The following CCDC6 variants were observed in gnomAD, a reference collection of about 807,000 sequenced individuals.
CCDC6 encodes the protein coiled-coil domain containing 6.
In CCDC6, 20 loss-of-function variants were observed where a neutral mutation model predicts 56.6. The observed-to-expected ratio is 0.35, with a 90% CI of 0.25 to 0.51. CCDC6 has a LOEUF of 0.51. Among genes scored for constraint, CCDC6 ranks in the 20% least tolerant of loss-of-function variants. The probability of loss-of-function intolerance (pLI) is 0.95; values close to 1 mark genes in which losing one functional copy is unlikely to be tolerated. For synonymous variants in CCDC6, 241 were observed against 234.4 expected (o/e 1.03, Z -0.26); for missense variants, 367 against 601.1 (o/e 0.61, Z 4.07).
chr10:59,871,151 TGAG>T (rs1032662258), intron 1 of CCDC6, among the ~76,000 whole-genome samples: 1 of 152,158 alleles, frequency 6.6e-6, no homozygotes, highest in East Asian at 1.9e-4. Flanking sequence ...GTATTATACA[TGAG>T]GAGAGTTTAT....
At chr10:59,796,854 C>T (rs769386982) in intron 7 of CCDC6, among the ~76,000 whole-genome samples, 1 of 151,762 alleles carries the variant, frequency 6.6e-6, no homozygotes, top group Non-Finnish European at 1.5e-5. Context: ...GCCTGTAGTC[C>T]TAGCTATTCG....
chr10:59,882,071 G>A lies in CCDC6; in HGVS notation c.303+24051C>T, dbSNP rs1423517037. Among the ~76,000 whole-genome samples the A allele has an allele frequency of 2.9e-3, 93 of 32,118 alleles. 9 individuals are homozygous for A. Among genetic ancestry groups the A allele is most frequent in the African/African-American group, 8.1e-3 (29 of 3,602 alleles). 21.1% of individuals were successfully genotyped at this position (32,118 alleles called of 152,430 possible). On this transcript the variant is annotated intron_variant, in intron 1 of 8. Transcript: ENST00000263102. The stretch of plus-strand genomic sequence containing the variant: ...CCAGGGGGAGAAGGAAAGGAAAGCC[G>A]CGGGGAGAAGGAAAGGAAAGCCGGG...
At chr10:59,855,100 G>A (rs891842995) in intron 1 of CCDC6, among the ~76,000 whole-genome samples, 3 of 152,172 alleles carry the variant, frequency 2.0e-5, no homozygotes, top group Non-Finnish European at 4.4e-5. Context: ...TTACACAGGG[G>A]CCTAGAAGTG....
chr10:59,877,060 G>C (rs2071290078), intron 1 of CCDC6, among the ~76,000 whole-genome samples: 1 of 152,166 alleles, frequency 6.6e-6, no homozygotes, highest in African/African-American at 2.4e-5. Context: ...TCTAAACATA[G>C]AAAAGGTACA....
intron 1 of CCDC6, among the ~76,000 whole-genome samples, chr10:59,860,560 A>G (rs1235703593): frequency 6.6e-6 from 1 of 152,152 alleles, no homozygotes; most frequent in African/African-American, 2.4e-5. Context: ...ATAAAGCAAG[A>G]ACACCGAGGA....
In CCDC6 at chr10:59,793,006, G is replaced by A. The variant is rs928783025; in HGVS notation, c.1336C>T (p.Pro446Ser). The change falls in exon 9 of 9, where the codon CCG (proline) becomes TCG (serine). Residue 446 changes from proline (P) to serine (S), a missense_variant. Physicochemically the swap from Pro to Ser is moderately conservative, Grantham distance 74. Transcript: ENST00000263102. ...TPVQPPPPPP[P>S]PPMQPTVPSA... is the part of the protein sequence containing the mutation. ...GGGACCGTGGGCTGCATGGGTGGCG[G>A]AGGTGGAGGCGGAGGTGGCTGGACT... 12 of 1,613,246 alleles carry A rather than the reference G, an allele frequency of 7.4e-6. No individual in the cohort carries two copies. The highest frequency in any genetic ancestry group is 9.3e-6 in the Non-Finnish European group (11 of 1,179,362).
At chr10:59,883,101 A>G (rs1487887867) in intron 1 of CCDC6, among the ~76,000 whole-genome samples, 1 of 152,204 alleles carries the variant, frequency 6.6e-6, no homozygotes, top group African/African-American at 2.4e-5. Flanking sequence ...AGTGAGTCCC[A>G]GGGACTTGGA....
chr10:59,881,128 C>T, intron 1 of CCDC6, among the ~76,000 whole-genome samples: 1 of 152,162 alleles, frequency 6.6e-6, no homozygotes, highest in African/African-American at 2.4e-5. Context: ...TCCACATCTT[C>T]CACCATAATA....
chr10:59,861,643 A>C (rs918630269), intron 1 of CCDC6, among the ~76,000 whole-genome samples: 6 of 152,212 alleles, frequency 3.9e-5, no homozygotes, highest in African/African-American at 1.4e-4. Context: ...AGAAGAGTTA[A>C]ATGGAAATGA....
At chr10:59,798,342 CAG>C (rs1226542211) in intron 7 of CCDC6, among the ~76,000 whole-genome samples, 1 of 152,232 alleles carries the variant, frequency 6.6e-6, no homozygotes, top group East Asian at 1.9e-4. Context: ...GTTTCCATGA[CAG>C]AGATATTCAG....
At chr10:59,826,614 G>A (rs903661189) in intron 3 of CCDC6, among the ~76,000 whole-genome samples, 4 of 152,192 alleles carry the variant, frequency 2.6e-5, no homozygotes, top group Admixed American at 2.0e-4. Context: ...ACACACAGCA[G>A]ACATGCAATA....
At chr10:59,871,059 G>A (rs1312439327) in intron 1 of CCDC6, among the ~76,000 whole-genome samples, 1 of 152,090 alleles carries the variant, frequency 6.6e-6, no homozygotes, top group Non-Finnish European at 1.5e-5. Context: ...AATTGGAGAG[G>A]CAAAATGCTA....
At chr10:59,871,309 C>T (rs1324471748) in intron 1 of CCDC6, among the ~76,000 whole-genome samples, 3 of 151,728 alleles carry the variant, frequency 2.0e-5, no homozygotes, top group South Asian at 2.1e-4. Flanking sequence ...CTAAGAACAC[C>T]GCCTTGTATA....
chr10:59,870,276 G>A (rs971001619), intron 1 of CCDC6, among the ~76,000 whole-genome samples: 15 of 152,096 alleles, frequency 9.9e-5, no homozygotes, highest in Admixed American at 3.3e-4. Context: ...CTCCCCACCC[G>A]CCTCTGCTGG....
intron 1 of CCDC6, among the ~76,000 whole-genome samples, chr10:59,877,663 G>A (rs1283391452): frequency 6.6e-6 from 1 of 152,184 alleles, no homozygotes; most frequent in African/African-American, 2.4e-5. Flanking sequence ...CTTCTGTTTA[G>A]TAGGCATACA....
chr10:59,850,580 T>C (rs1329598981), intron 2 of CCDC6, among the ~76,000 whole-genome samples: 1 of 152,212 alleles, frequency 6.6e-6, no homozygotes, highest in Non-Finnish European at 1.5e-5. Flanking sequence ...AGGCTAGGGC[T>C]ACACATTGTA....
intron 1 of CCDC6, among the ~76,000 whole-genome samples, chr10:59,877,085 T>C (rs1380119622): frequency 6.6e-6 from 1 of 152,176 alleles, no homozygotes; most frequent in Non-Finnish European, 1.5e-5. Flanking sequence ...AAATATAATA[T>C]TTTAATCTTA....
At chr10:59,803,615 C>T (rs931025390) in intron 7 of CCDC6, among the ~76,000 whole-genome samples, 1 of 152,226 alleles carries the variant, frequency 6.6e-6, no homozygotes, top group East Asian at 1.9e-4. Context: ...ACCCACTCCA[C>T]CCTCTGCTCC....
At chr10:59,905,893 T>C (rs1054464520) in intron 1 of CCDC6, among the ~76,000 whole-genome samples, 2 of 152,182 alleles carry the variant, frequency 1.3e-5, no homozygotes, top group Admixed American at 6.5e-5. Context: ...CACAGTAGCC[T>C]TCCCCCGCAC....
Sources: allele counts gnomAD v4.1 joint callset (sites outside exome capture counted in the v4.1 genomes callset), GRCh38; gene constraint gnomAD v4.1.1; transcripts MANE v1.5; gene names NCBI Gene and HGNC (gene_info 2026-07-23, HGNC 2026-07-21).